SNTG1: variants seen among roughly 807,000 people sequenced by gnomAD.
The protein encoded by SNTG1 is syntrophin gamma 1.
A neutral mutation model predicts 74.7 loss-of-function variants in SNTG1; 39 were observed. That is an observed-to-expected ratio of 0.52 (90% CI 0.40 to 0.68). SNTG1 has a LOEUF of 0.68. Among genes scored for constraint, SNTG1 ranks in the 30% least tolerant of loss-of-function variants. The pLI, the probability that SNTG1 is intolerant of heterozygous loss-of-function variation, is 0.00. For missense variants in SNTG1, 685 were observed against 609.5 expected (o/e 1.12, Z -1.30); for synonymous variants, 254 against 217.1 (o/e 1.17, Z -1.49).
intron 4 of SNTG1, among the ~76,000 whole-genome samples, chr8:50,419,351 G>A (rs1158854722): frequency 3.3e-5 from 5 of 152,258 alleles, no homozygotes; most frequent in Admixed American, 6.5e-5. Context: ...CCCTCACCAG[G>A]CTGCACTGAT....
intron 9 of SNTG1, among the ~76,000 whole-genome samples, chr8:50,511,085 G>A (rs1357677402): frequency 2.6e-5 from 4 of 152,072 alleles, no homozygotes; most frequent in Non-Finnish European, 5.9e-5. Context: ...ACACAGCTTT[G>A]AATGTGTCCC....
At chr8:50,345,532 G>A (rs1394862125) in intron 2 of SNTG1, among the ~76,000 whole-genome samples, 1 of 152,126 alleles carries the variant, frequency 6.6e-6, no homozygotes, top group Non-Finnish European at 1.5e-5. Flanking sequence ...CCTTACCTGG[G>A]AAGATAAAAC....
intron 4 of SNTG1, among the ~76,000 whole-genome samples, chr8:50,421,186 A>G (rs950281198): frequency 5.3e-5 from 8 of 152,068 alleles, no homozygotes; most frequent in Admixed American, 1.3e-4. Flanking sequence ...TTAGATCTCC[A>G]CAAGAAAGAA....
intron 2 of SNTG1, among the ~76,000 whole-genome samples, chr8:50,215,490 T>C (rs1001238277): frequency 5.4e-5 from 8 of 147,480 alleles, no homozygotes; most frequent in African/African-American, 2.0e-4. Context: ...TATATATATA[T>C]AGACTATAGG....
chr8:50,397,792 G>T (rs1463138876), intron 3 of SNTG1, among the ~76,000 whole-genome samples: 1 of 152,186 alleles, frequency 6.6e-6, no homozygotes, highest in Non-Finnish European at 1.5e-5. Context: ...AGCAGAGTGT[G>T]TGGTGAAGAG....
At chr8:50,380,610 AC>A (rs1009517054) in intron 2 of SNTG1, among the ~76,000 whole-genome samples, 24 of 152,126 alleles carry the variant, frequency 1.6e-4, no homozygotes, top group Non-Finnish European at 2.9e-4. Context: ...TTACATAACT[AC>A]TTAGCTCTCC....
chr8:50,089,646 AC>A (rs1375898537), intron 1 of SNTG1, among the ~76,000 whole-genome samples: 1 of 152,262 alleles, frequency 6.6e-6, no homozygotes, highest in African/African-American at 2.4e-5. Flanking sequence ...GCCAAAAAAC[AC>A]ATGAAAAGAT....
rs537971739 is a variant in SNTG1 at position 50,414,890 on chromosome 8, G to A, written c.162+12546G>A. Among the ~76,000 whole-genome samples, 74 of 152,110 alleles carry A rather than the reference G, an allele frequency of 4.9e-4. No homozygotes were observed. In the East Asian group the frequency reaches 0.014, roughly 28 times the overall value. On this transcript the variant is annotated intron_variant, in intron 4 of 18. Transcript: ENST00000642720. ...TCTCTGAATCGTTGTTCGTATGAGG[G>A]AAAAACAGAGACCACCTACTATACA...
At chr8:50,385,683 G>A (rs1375164008) in intron 2 of SNTG1, among the ~76,000 whole-genome samples, 4 of 152,194 alleles carry the variant, frequency 2.6e-5, no homozygotes, top group African/African-American at 9.7e-5. Context: ...GTATATTGCT[G>A]TCCTGGCCAG....
intron 18 of SNTG1, among the ~76,000 whole-genome samples, chr8:50,753,323 A>AT (rs997724477): frequency 3.9e-5 from 6 of 151,900 alleles, no homozygotes; most frequent in African/African-American, 9.6e-5. Flanking sequence ...CTCTTGTCAA[A>AT]TTTTTTTTAC....
rs551455817 is a variant in SNTG1 at position 50,299,744 on chromosome 8, G to A, written c.-27-94468G>A. 1.4e-4 allele frequency among the ~76,000 whole-genome samples: 22 copies of A among 151,882 alleles called. No homozygotes were observed. The South Asian group carries it at 4.2e-3, about 29-fold the overall frequency. Reference sequence around the variant, plus strand: ...TGTCTGTACCATATTTATTTTTATTGGGATCTCCGTTAGAACTAGCCCTAT... The same window carrying A: ...TGTCTGTACCATATTTATTTTTATTAGGATCTCCGTTAGAACTAGCCCTAT... On this transcript the variant is annotated intron_variant, in intron 2 of 18. Coordinates refer to ENST00000642720, the MANE Select transcript of SNTG1 (RefSeq NM_018967.5).
intron 4 of SNTG1, among the ~76,000 whole-genome samples, chr8:50,414,884 A>G (rs2092995444): frequency 1.3e-5 from 2 of 152,076 alleles, no homozygotes; most frequent in Admixed American, 6.6e-5. Context: ...CGTTGTTCGT[A>G]TGAGGGAAAA....
intron 8 of SNTG1, among the ~76,000 whole-genome samples, chr8:50,496,411 A>G (rs2093904846): frequency 6.6e-6 from 1 of 152,188 alleles, no homozygotes; most frequent in Non-Finnish European, 1.5e-5. Flanking sequence ...ACAAAGCAGC[A>G]GTGCCCTCTT....
intron 2 of SNTG1, among the ~76,000 whole-genome samples, chr8:50,213,586 A>G (rs977424560): frequency 6.6e-6 from 1 of 152,090 alleles, no homozygotes; most frequent in African/African-American, 2.4e-5. Context: ...CCTCTCCAGC[A>G]CCTGTTGTTT....
At chr8:50,113,158 G>A (rs868532311) in intron 1 of SNTG1, among the ~76,000 whole-genome samples, 1 of 152,102 alleles carries the variant, frequency 6.6e-6, no homozygotes, top group Non-Finnish European at 1.5e-5. Flanking sequence ...TAGCTTGATG[G>A]GGATGGCATT....
intron 13 of SNTG1, among the ~76,000 whole-genome samples, chr8:50,594,382 A>C (rs944078441): frequency 1.3e-5 from 2 of 152,298 alleles, no homozygotes; most frequent in East Asian, 3.9e-4. Flanking sequence ...TAACATTATA[A>C]AGTATTAATT....
At chr8:50,205,579 C>T (rs1004233410) in intron 2 of SNTG1, among the ~76,000 whole-genome samples, 3 of 152,044 alleles carry the variant, frequency 2.0e-5, no homozygotes, top group Admixed American at 2.0e-4. Context: ...TAATTAGATC[C>T]CATTTGTCCA....
chr8:50,274,118 C>T (rs773103532), intron 2 of SNTG1, among the ~76,000 whole-genome samples: 26 of 151,986 alleles, frequency 1.7e-4, no homozygotes, highest in Non-Finnish European at 3.8e-4. Context: ...GATGGAGTCT[C>T]GCTCTGTTAC....
At chr8:50,284,034 C>G (rs2088622483) in intron 2 of SNTG1, among the ~76,000 whole-genome samples, 1 of 151,850 alleles carries the variant, frequency 6.6e-6, no homozygotes, top group Non-Finnish European at 1.5e-5. Context: ...TGTTCTTGTC[C>G]CAGTCCACGA....
Sources: allele counts gnomAD v4.1 joint callset (sites outside exome capture counted in the v4.1 genomes callset), GRCh38; gene constraint gnomAD v4.1.1; transcripts MANE v1.5; gene names NCBI Gene and HGNC (gene_info 2026-07-23, HGNC 2026-07-21).